Variants in PRKN observed in about 807,000 individuals in gnomAD.
The protein encoded by PRKN is parkin RBR E3 ubiquitin protein ligase.
In PRKN, 56 loss-of-function variants were observed where a neutral mutation model predicts 59.5. That is an observed-to-expected ratio of 0.94 (90% CI 0.76 to 1.18). The LOEUF (loss-of-function observed/expected upper bound fraction) is 1.18. PRKN is among the 50% of genes most tolerant of loss of function. The probability of loss-of-function intolerance (pLI) is 0.00; values close to 1 mark genes in which losing one functional copy is unlikely to be tolerated. For synonymous variants in PRKN, 250 were observed against 222.1 expected, an observed-to-expected ratio of 1.13 and a Z score of -1.12; for missense variants, 657 against 596.4, an observed-to-expected ratio of 1.10 and a Z score of -1.06.
chr6:162,093,201 G>A (rs1779580100), intron 4 of PRKN, among the ~76,000 whole-genome samples: 1 of 152,146 alleles, frequency 6.6e-6, no homozygotes, highest in African/African-American at 2.4e-5. Context: ...CTTCCAGATA[G>A]CCTAAATAAA....
Position 161,569,340 on chromosome 6 carries a change from G to C in PRKN, c.933+15C>G. 1 of 1,609,764 alleles carries C rather than the reference G, an allele frequency of 6.2e-7. No individual in the cohort carries two copies. Among genetic ancestry groups the C allele is most frequent in the Non-Finnish European group, 8.5e-7 (1 of 1,176,036 alleles). On this transcript the variant is annotated intron_variant, in intron 8 of 11. Transcript: ENST00000366898. ...TTCATGACAGTCTGATGCAGCCTTT[G>C]AGATGCTCACTCACCTGCTCTTCTC...
At chr6:161,642,111 T>C (rs1053517118) in intron 7 of PRKN, among the ~76,000 whole-genome samples, 2 of 152,224 alleles carry the variant, frequency 1.3e-5, no homozygotes, top group Non-Finnish European at 2.9e-5. Context: ...GCAAAGGGTC[T>C]GTCTTATTTA....
At position 161,661,557 on chromosome 6, in the gene PRKN, T is replaced by C. The variant is rs557854682; in HGVS notation, c.872-92141A>G. 1.3e-4 allele frequency among the ~76,000 whole-genome samples: 6 copies of C among 45,088 alleles called. No individual in the cohort carries two copies. The East Asian group carries it at 4.9e-3, about 37-fold the overall frequency. The allele number at this position is 45,088 out of a possible 152,430, so 29.6% of individuals were successfully genotyped here. A position where few individuals can be genotyped will look rare whatever the true frequency, so the allele number is the denominator to read the frequency against. Reference sequence around the variant, plus strand: ...CCCAGCCTCTGTCACCTGCTTCCATTTTTTTTTTTTCTGTAGCAAGTGCTG... The same window carrying C: ...CCCAGCCTCTGTCACCTGCTTCCATCTTTTTTTTTTCTGTAGCAAGTGCTG... On this transcript the variant is annotated intron_variant, in intron 7 of 11. Transcript: ENST00000366898.
chr6:162,480,001 G>T (rs1583645471), intron 1 of PRKN, among the ~76,000 whole-genome samples: 2 of 151,792 alleles, frequency 1.3e-5, no homozygotes, highest in South Asian at 4.2e-4. Flanking sequence ...GGAGGTGGAG[G>T]TTGCAGTGGG....
chr6:162,181,199 C>T (rs1249498872), intron 4 of PRKN, among the ~76,000 whole-genome samples: 1 of 152,164 alleles, frequency 6.6e-6, no homozygotes, highest in African/African-American at 2.4e-5. Flanking sequence ...CAGGTCAGTT[C>T]CCGAAGTTTC....
chr6:161,547,889 C>A lies in PRKN; in HGVS notation c.1083+965G>T, dbSNP rs186071242. 7.8e-4 allele frequency among the ~76,000 whole-genome samples: 119 copies of A among 152,260 alleles called. 1 individual carries two copies. The highest frequency in any genetic ancestry group is 6.2e-4 in the Non-Finnish European group (42 of 68,022). ...TTTTTCAACTTCCACTTCCTCTACT[C>A]CATTGCTCAACCCAGGATTTTATGA... On this transcript the variant is annotated intron_variant, in intron 9 of 11. Coordinates refer to ENST00000366898, the MANE Select transcript of PRKN (RefSeq NM_004562.3). This position sits in a 1 kb window ranked among gnomAD's most constrained non-coding sequence, Gnocchi z 4.0.
intron 9 of PRKN, among the ~76,000 whole-genome samples, chr6:161,511,429 G>A (rs1160853714): frequency 6.6e-6 from 1 of 152,080 alleles, no homozygotes; most frequent in African/African-American, 2.4e-5. Context: ...GATGTCAACT[G>A]GAAACAAATC....
At chr6:162,312,128 TTAAGA>T (rs1782542670) in intron 2 of PRKN, among the ~76,000 whole-genome samples, 1 of 152,076 alleles carries the variant, frequency 6.6e-6, no homozygotes, top group Non-Finnish European at 1.5e-5. Context: ...TGTCAATTAT[TTAAGA>T]TAACAAATGG....
At chr6:161,777,786 TATATATG>T (rs1205175178) in intron 7 of PRKN, among the ~76,000 whole-genome samples, 38 of 139,734 alleles carry the variant, frequency 2.7e-4, no homozygotes, top group African/African-American at 1.1e-3. Flanking sequence ...TATGTATATG[TATATATG>T]ATATATGTAT....
At chr6:162,183,036 G>A (rs1024491041) in intron 4 of PRKN, among the ~76,000 whole-genome samples, 38 of 152,018 alleles carry the variant, frequency 2.5e-4, no homozygotes, top group African/African-American at 6.5e-4. Context: ...TTCTATAAAT[G>A]TAAGGATACT....
rs148322591 is a variant in PRKN, at chr6:161,728,859, A to C, written c.871+56913T>G. 8.9e-4 allele frequency among the ~76,000 whole-genome samples: 136 copies of C among 152,328 alleles called. No individual in the cohort carries two copies. In the South Asian group the frequency reaches 0.018, roughly 20 times the overall value. Reference sequence around the variant, plus strand: ...GCCTAATAGCAGGAACATATTTTGTATTATAAAAATACACAGTAGCATATA... The same window carrying C: ...GCCTAATAGCAGGAACATATTTTGTCTTATAAAAATACACAGTAGCATATA... On this transcript the variant is annotated intron_variant, in intron 7 of 11. Transcript: ENST00000366898.
chr6:161,972,536 C>A (rs2128251709), intron 6 of PRKN, among the ~76,000 whole-genome samples: 1 of 152,274 alleles, frequency 6.6e-6, no homozygotes, highest in Middle Eastern at 3.4e-3. Context: ...AACAGGCCAT[C>A]TCCACATTTG....
chr6:162,348,762 T>C (rs1784506140), intron 2 of PRKN, among the ~76,000 whole-genome samples: 1 of 152,086 alleles, frequency 6.6e-6, no homozygotes, highest in Admixed American at 6.5e-5. Flanking sequence ...CTACAGACTG[T>C]AATTTACCCA....
chr6:162,578,056 C>T (rs796751221), intron 1 of PRKN, among the ~76,000 whole-genome samples: 21 of 152,252 alleles, frequency 1.4e-4, no homozygotes, highest in African/African-American at 4.6e-4. Flanking sequence ...CCACTGATGA[C>T]GGGAACATAA....
chr6:161,751,936 C>T (rs138214858), intron 7 of PRKN, among the ~76,000 whole-genome samples: 196 of 152,194 alleles, frequency 1.3e-3, no homozygotes, highest in East Asian at 3.9e-3. Context: ...AGGCCCTGCA[C>T]GGGAAGGTGG....
chr6:161,692,566 T>TTA (rs1785841529), intron 7 of PRKN, among the ~76,000 whole-genome samples: 1 of 152,202 alleles, frequency 6.6e-6, no homozygotes, highest in Non-Finnish European at 1.5e-5. Flanking sequence ...GTAAAAGCTT[T>TTA]CATCTTAATG....
At chr6:161,933,357 T>G (rs1237289438) in intron 6 of PRKN, among the ~76,000 whole-genome samples, 1 of 152,166 alleles carries the variant, frequency 6.6e-6, no homozygotes, top group African/African-American at 2.4e-5. Flanking sequence ...GTTGACTCCA[T>G]TAGATAATAA....
intron 10 of PRKN, among the ~76,000 whole-genome samples, chr6:161,370,974 G>C (rs1385052574): frequency 6.6e-6 from 1 of 152,160 alleles, no homozygotes; most frequent in South Asian, 2.1e-4. Flanking sequence ...GGCCAGTTGA[G>C]CACTGCTGCG....
chr6:161,492,039 G>A (rs1192550117), intron 9 of PRKN, among the ~76,000 whole-genome samples: 1 of 152,140 alleles, frequency 6.6e-6, no homozygotes, highest in Non-Finnish European at 1.5e-5. Flanking sequence ...AAACTCATAA[G>A]ACATATAAGA....
Sources: gnomAD v4.1 joint callset for allele counts (sites outside exome capture counted in the v4.1 genomes callset) on GRCh38, gnomAD v4.1.1 for gene constraint, Gnocchi (gnomAD v3.1) non-coding constraint, MANE v1.5 for transcripts, NCBI Gene and HGNC (gene_info 2026-07-23, HGNC 2026-07-21) for gene names.